Variants in UBAC2 observed in about 807,000 individuals in gnomAD.
The protein encoded by UBAC2 is UBA domain containing 2, also known as ubiquitin-associated domain-containing protein 2.
Under a neutral mutation model 44.0 loss-of-function variants are expected in UBAC2, and 26 were observed. That is an observed-to-expected ratio of 0.59 (90% CI 0.43 to 0.82). The LOEUF is 0.82. UBAC2 is among the 40% of genes least tolerant of loss of function. The probability of loss-of-function intolerance (pLI) is 0.00; values close to 1 mark genes in which losing one functional copy is unlikely to be tolerated. For missense variants in UBAC2, 329 were observed against 419.4 expected (o/e 0.78, Z 1.88); for synonymous variants, 155 against 154.3 (o/e 1.00, Z -0.04).
At chr13:99,365,339 C>T (rs983579179) in intron 7 of UBAC2, among the ~76,000 whole-genome samples, 2 of 152,176 alleles carry the variant, frequency 1.3e-5, no homozygotes, top group African/African-American at 4.8e-5. Flanking sequence ...TCTTCTTTCT[C>T]ATTTTTTTAG....
chr13:99,257,311 T>A (rs1456761320), intron 4 of UBAC2, among the ~76,000 whole-genome samples: 2 of 152,224 alleles, frequency 1.3e-5, no homozygotes, highest in Non-Finnish European at 2.9e-5. Flanking sequence ...GAGGCTTAAA[T>A]CTTATTTTTA....
chr13:99,215,511 A>G (rs2042981873), intron 1 of UBAC2: 4 of 1,464,948 alleles, frequency 2.7e-6, no homozygotes, highest in African/African-American at 1.4e-5. Context: ...GACGAGGGGT[A>G]ATATACACTT....
intron 1 of UBAC2, among the ~76,000 whole-genome samples, chr13:99,203,023 T>TTTTATTTTATTTA (rs1555317917): frequency 1.4e-5 from 2 of 146,422 alleles, no homozygotes; most frequent in Non-Finnish European, 3.0e-5. Context: ...CTTTGTTTTA[T>TTTTATTTTATTTA]TTTATTTATT....
At chr13:99,332,949 G>A (rs924249076) in intron 6 of UBAC2, among the ~76,000 whole-genome samples, 12 of 152,090 alleles carry the variant, frequency 7.9e-5, no homozygotes, top group Admixed American at 5.2e-4. Context: ...AAGACCTAGT[G>A]TAAAAAAGGT....
intron 7 of UBAC2, among the ~76,000 whole-genome samples, chr13:99,352,484 C>T (rs1182076403): frequency 1.3e-5 from 2 of 152,162 alleles, no homozygotes; most frequent in East Asian, 1.9e-4. Context: ...CTGAGGTTGA[C>T]GCATGTTGCA....
chr13:99,356,611 TCTC>T (rs1339132203), intron 7 of UBAC2, among the ~76,000 whole-genome samples: 1 of 152,116 alleles, frequency 6.6e-6, no homozygotes, highest in African/African-American at 2.4e-5. Flanking sequence ...CAAGCGATCA[TCTC>T]CTTTCCCTCT....
intron 7 of UBAC2, among the ~76,000 whole-genome samples, chr13:99,355,871 T>C (rs1026378299): frequency 6.6e-6 from 1 of 152,214 alleles, no homozygotes; most frequent in Non-Finnish European, 1.5e-5. Context: ...GGCTGAGCCA[T>C]GTGCATCCCA....
chr13:99,353,541 C>T (rs992699195), intron 7 of UBAC2, among the ~76,000 whole-genome samples: 1 of 152,222 alleles, frequency 6.6e-6, no homozygotes, highest in Admixed American at 6.5e-5. Flanking sequence ...TGATGATGTA[C>T]TTGGCTTTTT....
chr13:99,317,022 G>A (rs988390304), intron 5 of UBAC2, among the ~76,000 whole-genome samples: 1 of 152,218 alleles, frequency 6.6e-6, no homozygotes, highest in Non-Finnish European at 1.5e-5. Context: ...AAACGTCCGT[G>A]CTACATCAAA....
At chr13:99,217,857 C>T (rs545443578) in intron 1 of UBAC2, among the ~76,000 whole-genome samples, 1 of 152,326 alleles carries the variant, frequency 6.6e-6, no homozygotes, top group Non-Finnish European at 1.5e-5. Flanking sequence ...GCAGCGTCCA[C>T]CGAGCTCGTG....
At chr13:99,341,403 C>T (rs1483310561) in intron 7 of UBAC2, among the ~76,000 whole-genome samples, 2 of 68,126 alleles carry the variant, frequency 2.9e-5, no homozygotes, top group Non-Finnish European at 6.1e-5. Flanking sequence ...AGATGCAGGT[C>T]CCAGAGTTTA....
At chr13:99,329,981 G>A (rs1403333282) in intron 6 of UBAC2, among the ~76,000 whole-genome samples, 2 of 152,184 alleles carry the variant, frequency 1.3e-5, no homozygotes, top group African/African-American at 4.8e-5. Flanking sequence ...ATGCACGAAC[G>A]TGATAAGTCT....
chr13:99,295,798 A>G lies in UBAC2; in HGVS notation c.390-18299A>G, dbSNP rs1462068274. The G allele has an allele frequency of 1.2e-6, 2 of 1,612,614 alleles. No individual in the cohort carries two copies. Among genetic ancestry groups the G allele is most frequent in the African/African-American group, 1.3e-5 (1 of 74,920 alleles). On this transcript the variant is annotated intron_variant, in intron 4 of 8. Coordinates refer to ENST00000403766, the MANE Select transcript of UBAC2 (RefSeq NM_001144072.2). The surrounding 1 kb of genome is among the most constrained non-coding windows in gnomAD (Gnocchi z 4.1). ...GGCAGGTCATAAAGTTCACACCTGC[A>G]TATGTGTTGATGTAAAACACTAGCG...
At chr13:99,294,879 A>C in intron 4 of UBAC2, 1 of 551,258 alleles carries the variant, frequency 1.8e-6, no homozygotes, top group Non-Finnish European at 3.1e-6. Context: ...ATTGTGCTTT[A>C]TGTTGTTTGC....
intron 1 of UBAC2, chr13:99,201,260 C>G (rs1214965607): frequency 6.9e-7 from 1 of 1,444,888 alleles, no homozygotes; most frequent in Non-Finnish European, 9.1e-7. Context: ...CGGCCCCAGG[C>G]CCTTTGCGGA....
At position 99,338,996 on chromosome 13, in the gene UBAC2, C is replaced by A. The variant is rs7323101; in HGVS notation, c.562-1324C>A. 5.4e-3 allele frequency among the ~76,000 whole-genome samples: 822 copies of A among 152,292 alleles called. 6 individuals are homozygous for A. Among genetic ancestry groups the A allele is most frequent in the African/African-American group, 0.015 (644 of 41,552 alleles). On this transcript the variant is annotated intron_variant, in intron 6 of 8. Transcript: ENST00000403766. Reference sequence around the variant, plus strand: ...GATTCAGTCCTTAGTCCTGTTCTCTCTTCTGCTGTGTCTCCTCCTCCCCCC... The same window carrying A: ...GATTCAGTCCTTAGTCCTGTTCTCTATTCTGCTGTGTCTCCTCCTCCCCCC...
At chr13:99,258,118 T>G (rs1566472948) in intron 4 of UBAC2, 1 of 152,256 alleles carries the variant, frequency 6.6e-6, no homozygotes, top group Non-Finnish European at 1.5e-5. Context: ...GCATTACTTT[T>G]GACAATAATC....
chr13:99,363,547 G>A (rs956702280), intron 7 of UBAC2, among the ~76,000 whole-genome samples: 10 of 152,202 alleles, frequency 6.6e-5, no homozygotes, highest in African/African-American at 2.2e-4. Flanking sequence ...GTCAGCCCCC[G>A]GCTCTTTGCT....
At chr13:99,225,180 T>G (rs1464182206) in intron 1 of UBAC2, among the ~76,000 whole-genome samples, 1 of 152,230 alleles carries the variant, frequency 6.6e-6, no homozygotes, top group Non-Finnish European at 1.5e-5. Context: ...ATGTACAATC[T>G]TAACTATTTT....
Sources: allele counts gnomAD v4.1 joint callset (sites outside exome capture counted in the v4.1 genomes callset), GRCh38; gene constraint gnomAD v4.1.1; non-coding constraint Gnocchi (gnomAD v3.1); transcripts MANE v1.5; gene names NCBI Gene and HGNC (gene_info 2026-07-23, HGNC 2026-07-21).